DNER: variants seen among roughly 807,000 people sequenced by gnomAD.
DNER encodes the protein delta and Notch-like epidermal growth factor-related receptor.
A neutral mutation model predicts 78.2 loss-of-function variants in DNER; 33 were observed. The ratio of observed to expected loss-of-function variants is 0.42; its 90% CI spans 0.32 to 0.56. DNER has a LOEUF of 0.56. DNER is among the 20% of genes least tolerant of loss of function. DNER has a pLI of 0.11. For missense variants in DNER, 918 were observed against 975.3 expected, an observed-to-expected ratio of 0.94 and a Z score of 0.78; for synonymous variants, 417 against 384.8, an observed-to-expected ratio of 1.08 and a Z score of -0.98.
At chr2:229,375,749 A>T (rs542575871) in intron 11 of DNER, among the ~76,000 whole-genome samples, 1 of 152,340 alleles carries the variant, frequency 6.6e-6, no homozygotes, top group African/African-American at 2.4e-5. Context: ...TTACATAAGC[A>T]CAAAGATGCT....
chr2:229,662,953 T>A (rs1326207908), intron 1 of DNER, among the ~76,000 whole-genome samples: 1 of 152,210 alleles, frequency 6.6e-6, no homozygotes, highest in Non-Finnish European at 1.5e-5. Context: ...TTGGTTTATG[T>A]AGCATGAGAC....
chr2:229,658,329 G>A lies in DNER; in HGVS notation c.276+55819C>T, dbSNP rs180843448. ...TCAGTACTTCCAACTGGCATTGCTGGTCCTATTTACCGTGGTTGACGATGC... is the reference window on the plus strand; with the variant it reads ...TCAGTACTTCCAACTGGCATTGCTGATCCTATTTACCGTGGTTGACGATGC... On this transcript the variant is annotated intron_variant, in intron 1 of 12. Transcript: ENST00000341772. 2.1e-4 allele frequency among the ~76,000 whole-genome samples: 32 copies of A among 152,214 alleles called. No individual in the cohort carries two copies. In the East Asian group the frequency reaches 5.4e-3, roughly 26 times the overall value.
intron 1 of DNER, among the ~76,000 whole-genome samples, chr2:229,662,681 A>G (rs1416056182): frequency 6.6e-6 from 1 of 152,120 alleles, no homozygotes; most frequent in Non-Finnish European, 1.5e-5. Context: ...CCAGAGATAA[A>G]AGCAAAACTC....
At chr2:229,657,835 C>T (rs151158760) in intron 1 of DNER, among the ~76,000 whole-genome samples, 33 of 152,206 alleles carry the variant, frequency 2.2e-4, no homozygotes, top group African/African-American at 7.2e-4. Flanking sequence ...AGGGAGAAAT[C>T]CATTCAGGAG....
chr2:229,691,627 T>C (rs1699573707), intron 1 of DNER, among the ~76,000 whole-genome samples: 1 of 151,986 alleles, frequency 6.6e-6, no homozygotes, highest in South Asian at 2.1e-4. Context: ...ATCTTCTCAT[T>C]AAAAGACAAA....
chr2:229,532,209 G>C (rs1416630587), intron 5 of DNER, among the ~76,000 whole-genome samples: 1 of 152,028 alleles, frequency 6.6e-6, no homozygotes, highest in Non-Finnish European at 1.5e-5. Context: ...TCTTTTGCCT[G>C]ACATCACTCG....
rs531276707 is a variant in DNER, at chr2:229,544,470, AAT to A, written c.993+2475_993+2476del. On this transcript the variant is annotated intron_variant, in intron 5 of 12. Transcript: ENST00000341772. ...TGACCACATTCTGCCTCCTCCAAGG[AAT>A]ATCCTACAGAAAAATGTTATATATC... 7.2e-4 allele frequency among the ~76,000 whole-genome samples: 110 copies of A among 152,214 alleles called. 3 individuals carry two copies. The South Asian group carries it at 0.021, about 29-fold the overall frequency.
chr2:229,404,208 A>G (rs1693331859), intron 10 of DNER, among the ~76,000 whole-genome samples: 1 of 152,126 alleles, frequency 6.6e-6, no homozygotes, highest in African/African-American at 2.4e-5. Flanking sequence ...AGGAAGGTAT[A>G]TTAGTCTGTT....
intron 1 of DNER, among the ~76,000 whole-genome samples, chr2:229,695,019 C>T (rs929417207): frequency 3.3e-5 from 5 of 152,172 alleles, no homozygotes; most frequent in African/African-American, 1.2e-4. Flanking sequence ...CTGCTCTTTT[C>T]ATGACAGTGA....
intron 1 of DNER, among the ~76,000 whole-genome samples, chr2:229,611,613 T>C (rs1698050071): frequency 1.3e-5 from 2 of 152,184 alleles, no homozygotes; most frequent in Admixed American, 6.5e-5. Context: ...TCAACTAGGT[T>C]GGCAAAGCAT....
intron 4 of DNER, among the ~76,000 whole-genome samples, chr2:229,572,216 G>A (rs1243231062): frequency 6.6e-6 from 1 of 152,112 alleles, no homozygotes; most frequent in African/African-American, 2.4e-5. Context: ...TCAAGGCCAA[G>A]CTCAAGATAC....
chr2:229,588,565 T>C, intron 2 of DNER, 77 bp from the exon 3 acceptor site: 1 of 1,298,598 alleles, frequency 7.7e-7, no homozygotes, highest in Non-Finnish European at 1.1e-6. Context: ...CAAAATTCCA[T>C]GCTGAATTTC....
intron 7 of DNER, among the ~76,000 whole-genome samples, chr2:229,455,392 C>G (rs981849010): frequency 6.6e-6 from 1 of 152,124 alleles, no homozygotes; most frequent in African/African-American, 2.4e-5. Context: ...ATGTCGGATT[C>G]TTTTCCCTTT....
At chr2:229,447,057 G>A (rs1254845993) in intron 8 of DNER, among the ~76,000 whole-genome samples, 2 of 152,162 alleles carry the variant, frequency 1.3e-5, no homozygotes, top group African/African-American at 4.8e-5. Context: ...TACAATGAAT[G>A]TGAGTTGATC....
intron 3 of DNER, chr2:229,586,641 C>T: frequency 1.0e-6 from 1 of 984,850 alleles, no homozygotes; most frequent in Non-Finnish European, 1.2e-6. Context: ...CTTTTCTCCT[C>T]ACAGCCCAAT....
In DNER at chr2:229,607,426, C is replaced by T. The variant is rs188406689; in HGVS notation, c.277-15538G>A. Among the ~76,000 whole-genome samples the T allele has an allele frequency of 3.3e-3, 501 of 152,244 alleles. 5 individuals carry two copies. The highest frequency in any genetic ancestry group is 4.9e-3 in the Non-Finnish European group (332 of 68,028). On this transcript the variant is annotated intron_variant, in intron 1 of 12. Transcript: ENST00000341772. ...TGAGGCTCAGAAACTAACTTGTTCACGGTCCTTCAGCTAGTAACATAATGA... is the reference window on the plus strand; with the variant it reads ...TGAGGCTCAGAAACTAACTTGTTCATGGTCCTTCAGCTAGTAACATAATGA...
intron 7 of DNER, among the ~76,000 whole-genome samples, chr2:229,475,031 C>A (rs1695001831): frequency 6.6e-6 from 1 of 152,198 alleles, no homozygotes; most frequent in East Asian, 1.9e-4. Flanking sequence ...TAATAGTAAT[C>A]ATTATCATGA....
intron 1 of DNER, among the ~76,000 whole-genome samples, chr2:229,626,484 A>C (rs1698347126): frequency 6.6e-6 from 1 of 152,234 alleles, no homozygotes; most frequent in Admixed American, 6.5e-5. Flanking sequence ...CCATTATTCA[A>C]ACATATTACC....
At chr2:229,397,471 A>AAAAAAAAAAAAAAC (rs1693173026) in intron 10 of DNER, among the ~76,000 whole-genome samples, 4 of 150,638 alleles carry the variant, frequency 2.7e-5, no homozygotes, top group East Asian at 3.9e-4. Context: ...TACAAAAAAA[A>AAAAAAAAAAAAAAC]AAAAAAAACT....
Sources: allele counts gnomAD v4.1 joint callset (sites outside exome capture counted in the v4.1 genomes callset), GRCh38; gene constraint gnomAD v4.1.1; transcripts MANE v1.5; gene names NCBI Gene and HGNC (gene_info 2026-07-23, HGNC 2026-07-21).